VWA3B: variants seen among roughly 807,000 people sequenced by gnomAD.
VWA3B encodes the protein von Willebrand factor A domain-containing protein 3B.
In VWA3B, 138 loss-of-function variants were observed where a neutral mutation model predicts 158.3. The observed-to-expected ratio is 0.87, with a 90% CI of 0.76 to 1.00. The LOEUF (loss-of-function observed/expected upper bound fraction) is 1.00, where lower values mean the gene tolerates loss of function less well. Ranked by LOEUF, VWA3B falls within the 50% of genes least tolerant of loss-of-function variation. VWA3B has a pLI of 0.00. For synonymous variants in VWA3B, 596 were observed against 587.3 expected (o/e 1.01, Z -0.21); for missense variants, 1,555 against 1,565.1 (o/e 0.99, Z 0.11).
At chr2:98,214,814 G>A (rs181698733) in intron 13 of VWA3B, among the ~76,000 whole-genome samples, 292 of 152,248 alleles carry the variant, frequency 1.9e-3, no homozygotes, top group Non-Finnish European at 3.2e-3. Context: ...ACACAATCTT[G>A]CCAAAGGAAC....
chr2:98,178,456 GGC>G (rs1680200801), intron 8 of VWA3B, among the ~76,000 whole-genome samples: 1 of 152,160 alleles, frequency 6.6e-6, no homozygotes, highest in Non-Finnish European at 1.5e-5. Flanking sequence ...AGAAGGAATT[GGC>G]TCTAACATGA....
Position 98,282,278 on chromosome 2 carries a change from T to TGA in VWA3B, c.3046-8233_3046-8232insGA, listed in dbSNP as rs1217343152. Among the ~76,000 whole-genome samples, 909 of 152,264 alleles carry TGA rather than the reference T, an allele frequency of 6.0e-3. 5 individuals carry two copies. Among genetic ancestry groups the TGA allele is most frequent in the African/African-American group, 0.021 (869 of 41,526 alleles). ...TGGCCATTGTGCTTCATCTGTGGTA[T>TGA]AGTTCAACTGACTGTGCCATGATGC... is the stretch of plus-strand genomic sequence containing the variant. On this transcript the variant is annotated intron_variant, in intron 22 of 27. Coordinates refer to ENST00000477737, the MANE Select transcript of VWA3B (RefSeq NM_144992.5).
Position 98,302,547 on chromosome 2 carries a change from T to G in VWA3B, c.3421-1155T>G, listed in dbSNP as rs562154728. Among the ~76,000 whole-genome samples the G allele has an allele frequency of 3.4e-4, 52 of 152,350 alleles. 2 individuals are homozygous for G. The South Asian group carries it at 0.01, about 30-fold the overall frequency. On this transcript the variant is annotated intron_variant, in intron 25 of 27. Transcript: ENST00000477737. ...AAAGCCAGGTAACAGTGGCTCTTTC[T>G]TAGGACCTTACTGTGTGCCATGCAT...
At chr2:98,094,660 T>G (rs1000103480) in intron 2 of VWA3B, among the ~76,000 whole-genome samples, 4 of 152,202 alleles carry the variant, frequency 2.6e-5, no homozygotes, top group African/African-American at 9.6e-5. Context: ...TTGCTTTTGT[T>G]GCCTGTGCTT....
At chr2:98,193,778 C>T (rs1558658826) in intron 11 of VWA3B, among the ~76,000 whole-genome samples, 2 of 151,760 alleles carry the variant, frequency 1.3e-5, no homozygotes, top group African/African-American at 2.4e-5. Flanking sequence ...TTAGTAGAGA[C>T]GGGGTTTCAC....
Position 98,181,196 on chromosome 2 carries a change from C to G in VWA3B, c.1295C>G (p.Ser432Cys), listed in dbSNP as rs568905227. The change falls in exon 9 of 28, where the codon TCC (serine) becomes TGC (cysteine). Residue 432 changes from serine (S) to cysteine (C), a missense_variant. Physicochemically the swap from Ser to Cys is moderately radical, Grantham distance 112 (BLOSUM62 -1). Coordinates refer to ENST00000477737, the MANE Select transcript of VWA3B (RefSeq NM_144992.5). ...VDIKAKPENE[S>C]VQTSAETNKK... ...ATAAAAGCCAAACCGGAGAATGAGT[C>G]CGTGCAGACCAGTGCGGTAGGTGAA... is the stretch of plus-strand genomic sequence containing the variant. 1.2e-6 allele frequency: 2 copies of G among 1,614,058 alleles called. No individual in the cohort carries two copies. The highest frequency in any genetic ancestry group is 2.7e-5 in the African/African-American group (2 of 75,062).
intron 2 of VWA3B, among the ~76,000 whole-genome samples, chr2:98,108,306 G>A (rs1673836696): frequency 6.6e-6 from 1 of 152,142 alleles, no homozygotes; most frequent in African/African-American, 2.4e-5. Flanking sequence ...CATGTTCCAT[G>A]AATACTTGAA....
At chr2:98,161,057 G>A (rs1419660286) in intron 7 of VWA3B, among the ~76,000 whole-genome samples, 1 of 152,246 alleles carries the variant, frequency 6.6e-6, no homozygotes, top group African/African-American at 2.4e-5. Context: ...CCGGGTGGAT[G>A]AGTCTCCTGG....
At chr2:98,106,149 T>C (rs376733463) in intron 2 of VWA3B, among the ~76,000 whole-genome samples, 1 of 152,134 alleles carries the variant, frequency 6.6e-6, no homozygotes, top group East Asian at 1.9e-4. Context: ...TCTCCTGACC[T>C]CATGATCCGC....
intron 15 of VWA3B, 104 bp downstream of exon 15, chr2:98,228,436 T>TC: frequency 2.2e-6 from 3 of 1,391,378 alleles, no homozygotes; most frequent in African/African-American, 1.4e-5. Flanking sequence ...AAATTTCTTT[T>TC]AGTGAAAAGA....
rs1477588077 is a variant in VWA3B, at chr2:98,246,857, G to A, written c.2674-3461G>A. Among the ~76,000 whole-genome samples the A allele has an allele frequency of 3.3e-5, 5 of 151,914 alleles. No homozygotes were observed. In the East Asian group the frequency reaches 9.6e-4, roughly 29 times the overall value. On this transcript the variant is annotated intron_variant, in intron 19 of 27. Coordinates refer to ENST00000477737, the MANE Select transcript of VWA3B (RefSeq NM_144992.5). ...TTCCTGCTCTATTTTTCCACTAAGTGCAATACCATTTTTTGTAAATACGAA... is the reference window on the plus strand; with the variant it reads ...TTCCTGCTCTATTTTTCCACTAAGTACAATACCATTTTTTGTAAATACGAA...
At chr2:98,097,982 G>T (rs6705251) in intron 2 of VWA3B, among the ~76,000 whole-genome samples, 21 of 152,022 alleles carry the variant, frequency 1.4e-4, no homozygotes, top group African/African-American at 4.6e-4. Context: ...TAGACCCATT[G>T]GTTATTCAGG....
rs560173645 is a variant in VWA3B, at chr2:98,221,269, A to G, written c.2019+3241A>G. ...AAGCCTCTCCAACCTGGGATCTCCA[A>G]CAAGCACTGACAAAGAAAGCTCCAC... On this transcript the variant is annotated intron_variant, in intron 14 of 27. Coordinates refer to ENST00000477737, the MANE Select transcript of VWA3B (RefSeq NM_144992.5). Among the ~76,000 whole-genome samples the G allele has an allele frequency of 3.3e-4, 51 of 152,258 alleles. No homozygotes were observed. In the South Asian group the frequency reaches 5.6e-3, roughly 17 times the overall value.
chr2:98,146,349 C>T (rs1278277257), intron 7 of VWA3B, among the ~76,000 whole-genome samples: 1 of 152,146 alleles, frequency 6.6e-6, no homozygotes, highest in Non-Finnish European at 1.5e-5. Context: ...CAGGCATGTC[C>T]TAGGGGAGGA....
intron 1 of VWA3B, 133 bp from the exon 2 acceptor site, chr2:98,092,928 A>G (rs1422976186): frequency 3.7e-6 from 2 of 546,710 alleles, no homozygotes; most frequent in Non-Finnish European, 3.0e-6. Context: ...CACCAAATAT[A>G]CATGTATAAT....
At chr2:98,153,224 A>G (rs922224827) in intron 7 of VWA3B, among the ~76,000 whole-genome samples, 5 of 152,338 alleles carry the variant, frequency 3.3e-5, no homozygotes, top group Admixed American at 6.5e-5. Flanking sequence ...GGGACAAGAG[A>G]AAGGCTGCAA....
intron 21 of VWA3B, among the ~76,000 whole-genome samples, chr2:98,262,040 AT>A (rs1218371813): frequency 6.6e-6 from 1 of 151,654 alleles, no homozygotes; most frequent in Non-Finnish European, 1.5e-5. Context: ...TTCTCTAATT[AT>A]TTTTTTACAT....
At chr2:98,123,808 C>T (rs1227954694) in intron 5 of VWA3B, among the ~76,000 whole-genome samples, 1 of 152,072 alleles carries the variant, frequency 6.6e-6, no homozygotes, top group Middle Eastern at 3.2e-3. Context: ...CCAGGCCTCA[C>T]GAGGAAGGGT....
rs187087100 is a variant in VWA3B at position 98,268,821 on chromosome 2, A to G, written c.2844-1861A>G. On this transcript the variant is annotated intron_variant, in intron 21 of 27. Transcript: ENST00000477737. The stretch of plus-strand genomic sequence containing the variant: ...TTAAAGCTATTCATCATAATTTGCT[A>G]TACTACCAACATTACTTTGGAGCGT... Among the ~76,000 whole-genome samples the G allele has an allele frequency of 2.5e-4, 38 of 152,260 alleles. No homozygotes were observed. The East Asian group carries it at 4.4e-3, about 18-fold the overall frequency.
Sources: allele counts gnomAD v4.1 joint callset (sites outside exome capture counted in the v4.1 genomes callset), GRCh38; gene constraint gnomAD v4.1.1; transcripts MANE v1.5; gene names NCBI Gene and HGNC (gene_info 2026-07-23, HGNC 2026-07-21).